Variants in SPI1 observed in about 807,000 individuals in gnomAD.
SPI1 encodes the protein transcription factor PU.1.
Under a neutral mutation model 30.7 loss-of-function variants are expected in SPI1, and 3 were observed. The observed-to-expected ratio is 0.10, with a 90% CI of 0.04 to 0.25. SPI1 has a LOEUF of 0.25. Among genes scored for constraint, SPI1 ranks in the 10% least tolerant of loss-of-function variants. The pLI is 1.00. For synonymous variants in SPI1, 169 were observed against 157.1 expected, an observed-to-expected ratio of 1.08 and a Z score of -0.56; for missense variants, 261 against 371.5, an observed-to-expected ratio of 0.70 and a Z score of 2.45.
chr11:47,355,407 G>A lies in SPI1; in HGVS notation c.633C>T (p.His211=). 6.2e-7 allele frequency: 1 copy of A among 1,613,878 alleles called. No homozygotes were observed. ...FSSKHKEALA[H]RWGIQKGNRK... ...GGTTGCCCTTCTGGATGCCCCAGCG[G>A]TGCGCCAGCGCCTCCTTGTGCTTGG... The change falls in exon 5 of 5, where the codon CAC becomes CAT. Residue 211 remains histidine, a synonymous_variant. Transcript: ENST00000378538.
rs1434237411 is a variant in SPI1, at chr11:47,375,979, C to G, written c.46-250G>C. Among the ~76,000 whole-genome samples the G allele has an allele frequency of 2.0e-5, 3 of 151,914 alleles. No homozygotes were observed. Among genetic ancestry groups the G allele is most frequent in the Non-Finnish European group, 4.4e-5 (3 of 67,946 alleles). Reference sequence around the variant, plus strand: ...AGGGTCCCCCTCTGCTGGGCTACTCCCCATAGCCACCTCACGCTCACACTC... The same window carrying G: ...AGGGTCCCCCTCTGCTGGGCTACTCGCCATAGCCACCTCACGCTCACACTC... On this transcript the variant is annotated intron_variant, in intron 1 of 4. Coordinates refer to ENST00000378538, the MANE Select transcript of SPI1 (RefSeq NM_003120.3). The surrounding 1 kb of genome is among the most constrained non-coding windows in gnomAD (Gnocchi z 4.2).
chr11:47,366,671 A>G (rs1213664504), intron 2 of SPI1, among the ~76,000 whole-genome samples: 1 of 152,136 alleles, frequency 6.6e-6, no homozygotes, highest in East Asian at 1.9e-4. Flanking sequence ...TAGAAAAAAA[A>G]TTAGCTGGGC....
Position 47,354,915 on chromosome 11 carries a change from T to G in SPI1, c.*312A>C. 2 of 263,862 alleles carry G rather than the reference T, an allele frequency of 7.6e-6. No individual in the cohort carries two copies. The highest frequency in any genetic ancestry group is 1.4e-5 in the Non-Finnish European group (2 of 139,248). The allele number at this position is 263,862 out of a possible 1,614,324, so 16.3% of individuals were successfully genotyped here. A position where few individuals can be genotyped will look rare whatever the true frequency, so the allele number is the denominator to read the frequency against. ...GGAGGAGGTTAATGGGTGGGAGGGG[T>G]GAGAGGGGAGATCTGATTTACATAC... On this transcript the variant is annotated 3_prime_UTR_variant, in exon 5 of 5. Coordinates refer to ENST00000378538, the MANE Select transcript of SPI1 (RefSeq NM_003120.3).
chr11:47,376,568 C>G (rs1174319524), intron 1 of SPI1, among the ~76,000 whole-genome samples: 1 of 151,824 alleles, frequency 6.6e-6, no homozygotes, highest in Admixed American at 6.6e-5. Flanking sequence ...TCCCCCTCCC[C>G]GTCTCCTTTG....
In SPI1 at chr11:47,374,640, A is replaced by G. The variant is rs536154813; in HGVS notation, c.142+993T>C. Reference sequence around the variant, plus strand: ...AGTCGCTGGTCTGCCCGGGTCCCAGACGCCCTGAGGAATTCCCCAGTGACG... The same window carrying G: ...AGTCGCTGGTCTGCCCGGGTCCCAGGCGCCCTGAGGAATTCCCCAGTGACG... On this transcript the variant is annotated intron_variant, in intron 2 of 4. Coordinates refer to ENST00000378538, the MANE Select transcript of SPI1 (RefSeq NM_003120.3). The surrounding 1 kb of genome is among the most constrained non-coding windows in gnomAD (Gnocchi z 4.5). 1.3e-5 allele frequency among the ~76,000 whole-genome samples: 2 copies of G among 152,260 alleles called. No individual in the cohort carries two copies. Among genetic ancestry groups the G allele is most frequent in the South Asian group, 4.1e-4 (2 of 4,832 alleles).
intron 2 of SPI1, among the ~76,000 whole-genome samples, chr11:47,372,120 T>G (rs2095936765): frequency 6.6e-6 from 1 of 151,834 alleles, no homozygotes; most frequent in Non-Finnish European, 1.5e-5. Context: ...TTTTTTTTTT[T>G]TGCTGGAGTC....
chr11:47,358,010 AAC>A (rs1383614416), intron 4 of SPI1, among the ~76,000 whole-genome samples: 8 of 151,504 alleles, frequency 5.3e-5, no homozygotes, highest in Non-Finnish European at 1.0e-4. Flanking sequence ...CACACATGGG[AAC>A]ACACACATGC....
chr11:47,367,325 G>A (rs1322570794), intron 2 of SPI1, among the ~76,000 whole-genome samples: 1 of 152,022 alleles, frequency 6.6e-6, no homozygotes, highest in African/African-American at 2.4e-5. Context: ...AGGCCGAGGT[G>A]GGTGGATCAT....
At chr11:47,356,722 C>G (rs888205148) in intron 4 of SPI1, among the ~76,000 whole-genome samples, 1 of 151,118 alleles carries the variant, frequency 6.6e-6, no homozygotes, top group African/African-American at 2.4e-5. Flanking sequence ...CTCACACACA[C>G]ATGCTTACAC....
At position 47,375,202 on chromosome 11, in the gene SPI1, C is replaced by T. The variant is rs965200332; in HGVS notation, c.142+431G>A. ...ATGGCAGGAAGTGCGGATGTGCCGG[C>T]GGGGAGTTTGGGACAGAGAGTGACG... On this transcript the variant is annotated intron_variant, in intron 2 of 4. Coordinates refer to ENST00000378538, the MANE Select transcript of SPI1 (RefSeq NM_003120.3). The surrounding 1 kb of genome is among the most constrained non-coding windows in gnomAD (Gnocchi z 4.2). Among the ~76,000 whole-genome samples the T allele has an allele frequency of 5.3e-5, 8 of 152,022 alleles. No individual in the cohort carries two copies. Among genetic ancestry groups the T allele is most frequent in the Non-Finnish European group, 1.2e-4 (8 of 68,024 alleles).
At chr11:47,369,721 A>G (rs921175380) in intron 2 of SPI1, among the ~76,000 whole-genome samples, 1 of 152,232 alleles carries the variant, frequency 6.6e-6, no homozygotes, top group African/African-American at 2.4e-5. Context: ...ATGATTTTCA[A>G]CTTAGATTTC....
chr11:47,373,267 G>T (rs764505815), intron 2 of SPI1, among the ~76,000 whole-genome samples: 4 of 152,100 alleles, frequency 2.6e-5, no homozygotes, highest in Admixed American at 6.6e-5. Context: ...CAGGAGAATC[G>T]CTTGAATCCG....
At chr11:47,367,974 C>G (rs1190246648) in intron 2 of SPI1, among the ~76,000 whole-genome samples, 1 of 151,874 alleles carries the variant, frequency 6.6e-6, no homozygotes, top group Non-Finnish European at 1.5e-5. Context: ...AGCCAGGTCT[C>G]AATCTCTTGA....
In SPI1 at chr11:47,375,715, C is replaced by T; in HGVS notation, c.60G>A (p.Leu20=). 1 of 1,613,796 alleles carries T rather than the reference C, an allele frequency of 6.2e-7. No individual in the cohort carries two copies. Among genetic ancestry groups the T allele is most frequent in the Non-Finnish European group, 8.5e-7 (1 of 1,179,842 alleles). Residue 20 remains leucine, a synonymous_variant, in exon 2 of 5, where the codon CTG becomes CTA. Transcript: ENST00000378538. This position sits in a 1 kb window ranked among gnomAD's most constrained non-coding sequence, Gnocchi z 4.2. ...GGTATAGATCCGTGTCATAGGGCACCAGGTCTTCTGATGGCTGCTGAGAGA... is the reference window on the plus strand; with the variant it reads ...GGTATAGATCCGTGTCATAGGGCACTAGGTCTTCTGATGGCTGCTGAGAGA... ...FPLVPPPSED[L]VPYDTDLYQR... is the part of the protein sequence containing the mutation.
At chr11:47,372,910 G>C (rs964571123) in intron 2 of SPI1, among the ~76,000 whole-genome samples, 1 of 152,202 alleles carries the variant, frequency 6.6e-6, no homozygotes, top group African/African-American at 2.4e-5. Context: ...TTCACAGCTG[G>C]TAAGTGATGG....
In SPI1 at chr11:47,355,223, G is replaced by A. The variant is rs894016971; in HGVS notation, c.*4C>T. 6 of 1,363,810 alleles carry A rather than the reference G, an allele frequency of 4.4e-6. No homozygotes were observed. In the African/African-American group the frequency reaches 4.6e-5, roughly 10 times the overall value. 84.5% of individuals were successfully genotyped at this position (1,363,810 alleles called of 1,614,324 possible). ...CCTGGCGGGGCCCGGCGGGGGCTGC[G>A]GGCTCAGTGGGGCGGGTGGCGCCGC... On this transcript the variant is annotated 3_prime_UTR_variant, in exon 5 of 5. Coordinates refer to ENST00000378538, the MANE Select transcript of SPI1 (RefSeq NM_003120.3).
chr11:47,366,494 T>A (rs2095928269), intron 2 of SPI1, among the ~76,000 whole-genome samples: 1 of 152,056 alleles, frequency 6.6e-6, no homozygotes, highest in Non-Finnish European at 1.5e-5. Context: ...GAAAAAAACC[T>A]TCTCAGAAGA....
chr11:47,368,221 C>T (rs2095931162), intron 2 of SPI1, among the ~76,000 whole-genome samples: 1 of 152,028 alleles, frequency 6.6e-6, no homozygotes, highest in African/African-American at 2.4e-5. Context: ...AAAAATTACC[C>T]GGGCATAGTG....
Position 47,374,466 on chromosome 11 carries a change from T to C in SPI1, c.142+1167A>G, listed in dbSNP as rs917846702. 1.1e-4 allele frequency among the ~76,000 whole-genome samples: 17 copies of C among 152,110 alleles called. No homozygotes were observed. The highest frequency in any genetic ancestry group is 4.1e-4 in the African/African-American group (17 of 41,396). On this transcript the variant is annotated intron_variant, in intron 2 of 4. Transcript: ENST00000378538. This position sits in a 1 kb window ranked among gnomAD's most constrained non-coding sequence, Gnocchi z 4.5. ...GGGCCCTAAATGTGGACCAGGCACA[T>C]GTGGATCCCTAGCTGGGCCCATCAG...
Sources: allele counts gnomAD v4.1 joint callset (sites outside exome capture counted in the v4.1 genomes callset), GRCh38; gene constraint gnomAD v4.1.1; non-coding constraint Gnocchi (gnomAD v3.1); transcripts MANE v1.5; gene names NCBI Gene and HGNC (gene_info 2026-07-23, HGNC 2026-07-21).